Variants in NLRC5 observed in about 807,000 individuals in gnomAD.
NLRC5 encodes the protein NLR family CARD domain containing 5, also known as protein NLRC5.
NLRC5 carries 114 observed loss-of-function variants against 206.9 expected under a neutral mutation model. The ratio of observed to expected loss-of-function variants is 0.55; its 90% confidence interval spans 0.47 to 0.64. The LOEUF is 0.64. Ranked by LOEUF, NLRC5 falls within the 30% of genes least tolerant of loss-of-function variation. The pLI is 0.00. For missense variants in NLRC5, 2,008 were observed against 2,305.5 expected (o/e 0.87, Z 2.64); for synonymous variants, 952 against 962.8 (o/e 0.99, Z 0.21).
intron 6 of NLRC5, among the ~76,000 whole-genome samples, chr16:57,027,319 T>C (rs77417203): frequency 2.0e-5 from 3 of 152,214 alleles, no homozygotes; most frequent in Non-Finnish European, 2.9e-5. Flanking sequence ...AGCACACACA[T>C]GCACACTGTC....
At chr16:57,014,400 C>T (rs1362939191) in intron 1 of NLRC5, among the ~76,000 whole-genome samples, 4 of 152,086 alleles carry the variant, frequency 2.6e-5, no homozygotes, top group African/African-American at 7.2e-5. Flanking sequence ...TGTTTGGAAG[C>T]TTTTTTGCTA....
At chr16:57,056,036 G>A (rs1487837822) in intron 27 of NLRC5, among the ~76,000 whole-genome samples, 1 of 152,176 alleles carries the variant, frequency 6.6e-6, no homozygotes, top group Non-Finnish European at 1.5e-5. Flanking sequence ...TGCTTGACAT[G>A]TTCTTTTTAT....
At chr16:57,003,505 T>C (rs1003555367) in intron 1 of NLRC5, among the ~76,000 whole-genome samples, 7 of 152,078 alleles carry the variant, frequency 4.6e-5, no homozygotes, top group African/African-American at 1.4e-4. Context: ...CCCCACTCAC[T>C]GTGGGTGACA....
intron 17 of NLRC5, 39 bp from the exon 18 acceptor site, chr16:57,041,446 C>A: frequency 1.3e-6 from 2 of 1,570,910 alleles, no homozygotes; most frequent in South Asian, 1.1e-5. Flanking sequence ...CGCCTCTGTT[C>A]AGTGGGGCAT....
At chr16:57,029,907 T>C (rs1172816705) in intron 9 of NLRC5, 51 bp downstream of exon 9, 4 of 1,607,092 alleles carry the variant, frequency 2.5e-6, no homozygotes, top group Non-Finnish European at 3.4e-6. Context: ...CTATACCTGA[T>C]TCACCCCACT....
At position 57,055,467 on chromosome 16, in the gene NLRC5, G is replaced by A. The variant is rs772885247; in HGVS notation, c.3694G>A (p.Val1232Ile). The A allele has an allele frequency of 2.2e-5, 36 of 1,613,830 alleles. No individual in the cohort carries two copies. In the East Asian group the frequency reaches 3.3e-4, roughly 15 times the overall value. The change falls in exon 27 of 49, where the codon GTA (valine) becomes ATA (isoleucine). Residue 1232 changes from valine (V) to isoleucine (I), a missense_variant. Transcript: ENST00000688547. The stretch of plus-strand genomic sequence containing the variant: ...AGGCTGCAGCCTCAGCCAGGAGCAC[G>A]TAGAGTCACTCTGCTGGTTGCTGAG... ...FTGCSLSQEH[V>I]ESLCWLLSKC...
chr16:57,025,331 G>A, intron 5 of NLRC5, 37 bp from the exon 6 acceptor site: 1 of 1,505,406 alleles, frequency 6.6e-7, no homozygotes, highest in Admixed American at 2.3e-5. Flanking sequence ...GAGGGCCGGG[G>A]GGTCCTCTCC....
intron 43 of NLRC5, 68 bp downstream of exon 43, chr16:57,078,088 G>A (rs1597463316): frequency 2.2e-6 from 3 of 1,336,760 alleles, no homozygotes; most frequent in East Asian, 5.0e-5. Flanking sequence ...CAGTGGGGGG[G>A]TCCAGGCCCC....
In NLRC5 at chr16:57,046,582, C is replaced by T. The variant is rs144577797; in HGVS notation, c.3279C>T (p.Asp1093=). 2.5e-6 allele frequency: 4 copies of T among 1,613,880 alleles called. No individual in the cohort carries two copies. The African/African-American group carries it at 5.3e-5, about 22-fold the overall frequency. The change falls in exon 22 of 49, where the codon GAC becomes GAT. Residue 1093 remains aspartate, a synonymous_variant. Coordinates refer to ENST00000688547, the MANE Select transcript of NLRC5 (RefSeq NM_001384950.1). ...RDMWATGSLP[D]FPAAAKFLGF... Reference sequence around the variant, plus strand: ...TGTGGGCCACTGGATCTTTGCCAGACTTCCCAGCTGCAGCCAAGTTCTTAG... The same window carrying T: ...TGTGGGCCACTGGATCTTTGCCAGATTTCCCAGCTGCAGCCAAGTTCTTAG...
chr16:57,009,285 C>T (rs527761028), intron 1 of NLRC5, among the ~76,000 whole-genome samples: 114 of 149,618 alleles, frequency 7.6e-4, no homozygotes, highest in African/African-American at 2.6e-3. Context: ...AGTGAGATTC[C>T]GTCTCAAAAA....
At chr16:57,017,913 G>A (rs1215809080) in intron 2 of NLRC5, among the ~76,000 whole-genome samples, 1 of 152,166 alleles carries the variant, frequency 6.6e-6, no homozygotes, top group Non-Finnish European at 1.5e-5. Context: ...TTCAACCATC[G>A]TCCTCTGTCT....
At chr16:57,010,513 A>G (rs1350491346) in intron 1 of NLRC5, among the ~76,000 whole-genome samples, 2 of 152,142 alleles carry the variant, frequency 1.3e-5, no homozygotes, top group Non-Finnish European at 2.9e-5. Context: ...AGCTGGGACT[A>G]CAGGCACACA....
At chr16:57,066,958 C>T (rs1040713699) in intron 34 of NLRC5, among the ~76,000 whole-genome samples, 2 of 151,532 alleles carry the variant, frequency 1.3e-5, no homozygotes, top group Admixed American at 6.6e-5. Flanking sequence ...GCTTAAATGC[C>T]ACCACCTCAG....
rs370150286 is a variant in NLRC5 at position 57,069,915 on chromosome 16, C to A, written c.4579C>A (p.Leu1527Met). 1.9e-6 allele frequency: 3 copies of A among 1,575,030 alleles called. No homozygotes were observed. The highest frequency in any genetic ancestry group is 2.6e-6 in the Non-Finnish European group (3 of 1,160,796). Residue 1527 changes from leucine (L) to methionine (M), a missense_variant, in exon 37 of 49, where the codon CTG (leucine) becomes ATG (methionine). Physicochemically the swap from Leu to Met is conservative, Grantham distance 15 (BLOSUM62 2). Transcript: ENST00000688547. ...GLGHCHHLEE[L>M]DLSNNQFDEE... ...GGGCCACTGCCACCACTTGGAGGAG[C>A]TGGAGTGAGTTGCAGAGTGGAGGGA...
intron 8 of NLRC5, among the ~76,000 whole-genome samples, chr16:57,028,797 CA>C (rs1262623638): frequency 5.9e-5 from 9 of 152,204 alleles, no homozygotes; most frequent in Admixed American, 3.9e-4. Context: ...AATATGCACC[CA>C]CACATGCCCA....
chr16:57,063,572 T>C (rs2066772743), intron 32 of NLRC5, among the ~76,000 whole-genome samples: 1 of 152,216 alleles, frequency 6.6e-6, no homozygotes, highest in Non-Finnish European at 1.5e-5. Context: ...TCAAAAACAA[T>C]AGAGATGAGG....
chr16:57,000,798 G>A (rs537167676), intron 1 of NLRC5, among the ~76,000 whole-genome samples: 1 of 152,300 alleles, frequency 6.6e-6, no homozygotes, highest in Non-Finnish European at 1.5e-5. Context: ...AGCATTTGTG[G>A]GCGGGGGAGG....
At position 57,074,674 on chromosome 16, in the gene NLRC5, A is replaced by G; in HGVS notation, c.4742A>G (p.Gln1581Arg). The G allele has an allele frequency of 6.2e-7, 1 of 1,613,798 alleles. No homozygotes were observed. Among genetic ancestry groups the G allele is most frequent in the South Asian group, 1.1e-5 (1 of 91,074 alleles). ...THRLSQMTCL[Q>R]SLRLNRNSIG... ...AGACTAAGCCAGATGACCTGCCTGC[A>G]GAGCCTCAGGTGAGTGACCGAGCGG... The change falls in exon 39 of 49, where the codon CAG (glutamine) becomes CGG (arginine). Residue 1581 changes from glutamine (Q) to arginine (R), a missense_variant. Gln to Arg is a conservative substitution (Grantham distance 43). Transcript: ENST00000688547.
chr16:57,033,692 C>G, intron 12 of NLRC5, 23 bp downstream of exon 12: 7 of 1,606,782 alleles, frequency 4.4e-6, no homozygotes, highest in Non-Finnish European at 6.0e-6. Context: ...GATCTATTGC[C>G]TTAGGAGAGG....
Sources: gnomAD v4.1 joint callset for allele counts (sites outside exome capture counted in the v4.1 genomes callset) on GRCh38, gnomAD v4.1.1 for gene constraint, MANE v1.5 for transcripts, NCBI Gene and HGNC (gene_info 2026-07-23, HGNC 2026-07-21) for gene names.